The following ZNF462 variants were observed in gnomAD, a reference collection of about 807,000 sequenced individuals.
ZNF462 encodes zinc finger protein 462, also known as zinc finger PBX1-interacting protein.
ZNF462 carries 10 observed loss-of-function variants against 201.9 expected under a neutral mutation model. The observed-to-expected ratio is 0.05, with a 90% CI of 0.03 to 0.08. ZNF462 has a LOEUF of 0.08. Ranked by LOEUF, ZNF462 falls within the 10% of genes least tolerant of loss-of-function variation. The pLI, the probability that ZNF462 is intolerant of heterozygous loss-of-function variation, is 1.00. For missense variants in ZNF462, 2,523 were observed against 3,168.3 expected (o/e 0.80, Z 4.89); for synonymous variants, 1,227 against 1,193.3 (o/e 1.03, Z -0.58).
At chr9:106,898,431 G>T (rs780779920) in intron 1 of ZNF462, among the ~76,000 whole-genome samples, 10 of 152,122 alleles carry the variant, frequency 6.6e-5, no homozygotes, top group South Asian at 4.2e-4. Flanking sequence ...GGTGGAGGGG[G>T]GGTCATTTGG....
chr9:106,971,317 A>G (rs1221845118), intron 7 of ZNF462, among the ~76,000 whole-genome samples: 1 of 151,912 alleles, frequency 6.6e-6, no homozygotes, highest in African/African-American at 2.4e-5. Context: ...TTTCTCACCT[A>G]CAGGGAAGGG....
Position 106,930,479 on chromosome 9 carries a change from T to G in ZNF462, c.5848-46T>G. Reference sequence around the variant, plus strand: ...AACTGCAAGAATAAATTCTGACAATTGAGGGAGGGCTCGGAGTACTGATGG... The same window carrying G: ...AACTGCAAGAATAAATTCTGACAATGGAGGGAGGGCTCGGAGTACTGATGG... On this transcript the variant is annotated intron_variant, in intron 3 of 12. Coordinates refer to ENST00000277225, the MANE Select transcript of ZNF462 (RefSeq NM_021224.6). The surrounding 1 kb of genome is among the most constrained non-coding windows in gnomAD (Gnocchi z 5.8). 1 of 1,600,174 alleles carries G rather than the reference T, an allele frequency of 6.2e-7. No homozygotes were observed. The highest frequency in any genetic ancestry group is 8.5e-7 in the Non-Finnish European group (1 of 1,169,840).
At position 106,962,909 on chromosome 9, in the gene ZNF462, A is replaced by T. The variant is rs185607006; in HGVS notation, c.6428-9096A>T. On this transcript the variant is annotated intron_variant, in intron 7 of 12. Coordinates refer to ENST00000277225, the MANE Select transcript of ZNF462 (RefSeq NM_021224.6). The surrounding 1 kb of genome is among the most constrained non-coding windows in gnomAD (Gnocchi z 4.6). ...GCTCCACTGATGACAGTAGACAAGG[A>T]GGTGCCAGAGTCCTTGGCCTGGAGA... Among the ~76,000 whole-genome samples the T allele has an allele frequency of 6.6e-6, 1 of 152,148 alleles. No homozygotes were observed. Among genetic ancestry groups the T allele is most frequent in the East Asian group, 1.9e-4 (1 of 5,152 alleles).
chr9:106,889,691 G>T (rs1212362275), intron 1 of ZNF462, among the ~76,000 whole-genome samples: 3 of 152,022 alleles, frequency 2.0e-5, no homozygotes, highest in Non-Finnish European at 4.4e-5. Flanking sequence ...CCCAGGCTTT[G>T]TGCTAAATGT....
chr9:106,896,213 G>T (rs1334383342), intron 1 of ZNF462, among the ~76,000 whole-genome samples: 1 of 152,056 alleles, frequency 6.6e-6, no homozygotes, highest in Admixed American at 6.6e-5. Context: ...CATTGTTTTT[G>T]TTTTTCTCTC....
chr9:106,909,859 A>G (rs1386155011), intron 1 of ZNF462, among the ~76,000 whole-genome samples: 1 of 152,210 alleles, frequency 6.6e-6, no homozygotes, highest in East Asian at 1.9e-4. Context: ...TTTTCTTGGA[A>G]TAACAGATAC....
In ZNF462 at chr9:106,902,130, G is replaced by A. The variant is rs563902088; in HGVS notation, c.-30-21224G>A. ...TTTGCCAAGCGTTTTAATCATAAAG[G>A]GATGCTGGATTTTGTCGAATGCTTT... On this transcript the variant is annotated intron_variant, in intron 1 of 12. Coordinates refer to ENST00000277225, the MANE Select transcript of ZNF462 (RefSeq NM_021224.6). This position sits in a 1 kb window ranked among gnomAD's most constrained non-coding sequence, Gnocchi z 4.2. Among the ~76,000 whole-genome samples, 1 of 152,036 alleles carries A rather than the reference G, an allele frequency of 6.6e-6. No homozygotes were observed. Among genetic ancestry groups the A allele is most frequent in the Non-Finnish European group, 1.5e-5 (1 of 67,998 alleles).
intron 7 of ZNF462, among the ~76,000 whole-genome samples, chr9:106,971,502 C>T (rs940495121): frequency 6.6e-6 from 1 of 151,176 alleles, no homozygotes; most frequent in African/African-American, 2.4e-5. Context: ...GGTGATAGTT[C>T]CTCCCGGCAT....
rs1485348552 is a variant in ZNF462, at chr9:107,012,201, C to G, written c.*1171C>G. ...GGCCAGACGAGGAGGTCCTCCTCAC[C>G]CTTTTGTTGCCTGTCAAATTCACGC... On this transcript the variant is annotated 3_prime_UTR_variant, in exon 13 of 13. Transcript: ENST00000277225. 1.3e-5 allele frequency: 2 copies of G among 149,160 alleles called. No homozygotes were observed. The highest frequency in any genetic ancestry group is 4.9e-5 in the African/African-American group (2 of 40,484). 9.2% of individuals were successfully genotyped at this position (149,160 alleles called of 1,614,324 possible).
chr9:106,937,153 T>G (rs2131598894), intron 6 of ZNF462, among the ~76,000 whole-genome samples: 1 of 152,262 alleles, frequency 6.6e-6, no homozygotes, highest in Non-Finnish European at 1.5e-5. Context: ...ATTTGAATTC[T>G]CTCTCAGGTC....
In ZNF462 at chr9:106,928,212, C is replaced by T; in HGVS notation, c.4300C>T (p.Pro1434Ser). 6.2e-7 allele frequency: 1 copy of T among 1,614,124 alleles called. No individual in the cohort carries two copies. The highest frequency in any genetic ancestry group is 8.5e-7 in the Non-Finnish European group (1 of 1,180,020). Residue 1434 changes from proline to serine, a missense_variant, in exon 3 of 13, where the codon CCC becomes TCC. Around this residue, in one of 15 missense-constraint regions of ZNF462, gnomAD observed 165 missense variants for 142.6 expected, o/e 1.16. Transcript: ENST00000277225. This position sits in a 1 kb window ranked among gnomAD's most constrained non-coding sequence, Gnocchi z 9.3. ...AGPVNCENSI[P>S]TPFPEQEAEC... Reference sequence around the variant, plus strand: ...CCCTGTGAATTGTGAAAACAGTATACCCACCCCTTTCCCGGAGCAGGAAGC... The same window carrying T: ...CCCTGTGAATTGTGAAAACAGTATATCCACCCCTTTCCCGGAGCAGGAAGC...
intron 7 of ZNF462, among the ~76,000 whole-genome samples, chr9:106,957,411 C>T (rs1235879363): frequency 1.3e-5 from 2 of 152,030 alleles, no homozygotes; most frequent in African/African-American, 2.4e-5. Flanking sequence ...CACACATCAC[C>T]GTAACAGAAA....
In ZNF462 at chr9:106,932,609, C is replaced by G; in HGVS notation, c.6116+60C>G. On this transcript the variant is annotated intron_variant, in intron 5 of 12. Coordinates refer to ENST00000277225, the MANE Select transcript of ZNF462 (RefSeq NM_021224.6). This position sits in a 1 kb window ranked among gnomAD's most constrained non-coding sequence, Gnocchi z 6.8. ...GGAGATGATGTCATAGTGGAAGGCA[C>G]TAAGCTAAAGCAGAAGCTTGGATGA... 1 of 1,610,050 alleles carries G rather than the reference C, an allele frequency of 6.2e-7. No individual in the cohort carries two copies.
chr9:106,895,202 C>T lies in ZNF462; in HGVS notation c.-30-28152C>T, dbSNP rs1024905602. 6.6e-6 allele frequency among the ~76,000 whole-genome samples: 1 copy of T among 152,146 alleles called. No individual in the cohort carries two copies. ...TAAAAGTATCATTTTCCATTTATTACCAAAGAGTAGACTGTTCTTGACATA... is the reference window on the plus strand; with the variant it reads ...TAAAAGTATCATTTTCCATTTATTATCAAAGAGTAGACTGTTCTTGACATA... On this transcript the variant is annotated intron_variant, in intron 1 of 12. Coordinates refer to ENST00000277225, the MANE Select transcript of ZNF462 (RefSeq NM_021224.6). This position sits in a 1 kb window ranked among gnomAD's most constrained non-coding sequence, Gnocchi z 4.4.
Position 107,006,204 on chromosome 9 carries a change from A to G in ZNF462, c.7189+2778A>G, listed in dbSNP as rs1179830115. Among the ~76,000 whole-genome samples the G allele has an allele frequency of 6.6e-6, 1 of 152,206 alleles. No homozygotes were observed. The highest frequency in any genetic ancestry group is 1.5e-5 in the Non-Finnish European group (1 of 68,040). ...TGGGTTGTTGTAAAGATTAAATGAG[A>G]TAACACAGAAGACCTTCACCCAGTT... On this transcript the variant is annotated intron_variant, in intron 11 of 12. Coordinates refer to ENST00000277225, the MANE Select transcript of ZNF462 (RefSeq NM_021224.6). The surrounding 1 kb of genome is among the most constrained non-coding windows in gnomAD (Gnocchi z 4.3).
chr9:106,946,711 G>A (rs934816288), intron 7 of ZNF462, among the ~76,000 whole-genome samples: 1 of 151,722 alleles, frequency 6.6e-6, no homozygotes, highest in Non-Finnish European at 1.5e-5. Flanking sequence ...GCTCGTGCCT[G>A]TAATCCCAAC....
intron 1 of ZNF462, among the ~76,000 whole-genome samples, chr9:106,910,953 C>T (rs1019079964): frequency 3.9e-5 from 6 of 152,128 alleles, no homozygotes; most frequent in Non-Finnish European, 7.3e-5. Context: ...TTATTTATCA[C>T]GAAAGCGTCA....
At position 106,966,716 on chromosome 9, in the gene ZNF462, A is replaced by G. The variant is rs1832087952; in HGVS notation, c.6428-5289A>G. On this transcript the variant is annotated intron_variant, in intron 7 of 12. Coordinates refer to ENST00000277225, the MANE Select transcript of ZNF462 (RefSeq NM_021224.6). The surrounding 1 kb of genome is among the most constrained non-coding windows in gnomAD (Gnocchi z 4.4). ...TCCTATTTACTTAAATGCTCAGTAAATATTTGCTGAATGAATGGGTGTAAT... is the reference window on the plus strand; with the variant it reads ...TCCTATTTACTTAAATGCTCAGTAAGTATTTGCTGAATGAATGGGTGTAAT... 6.6e-6 allele frequency among the ~76,000 whole-genome samples: 1 copy of G among 152,132 alleles called. No individual in the cohort carries two copies. The highest frequency in any genetic ancestry group is 6.6e-5 in the Admixed American group (1 of 15,258).
chr9:106,983,481 C>A (rs1827598318), intron 9 of ZNF462, among the ~76,000 whole-genome samples: 1 of 152,088 alleles, frequency 6.6e-6, no homozygotes, highest in Non-Finnish European at 1.5e-5. Context: ...TGAGAAATCC[C>A]CTTAGTTTCA....
Sources: gnomAD v4.1 joint callset for allele counts (sites outside exome capture counted in the v4.1 genomes callset) on GRCh38, gnomAD v4.1.1 for gene constraint, gnomAD v4.1.1 regional missense constraint, Gnocchi (gnomAD v3.1) non-coding constraint, MANE v1.5 for transcripts, NCBI Gene and HGNC (gene_info 2026-07-23, HGNC 2026-07-21) for gene names.